CYBB: variants seen among roughly 807,000 people sequenced by gnomAD.
CYBB encodes NADPH oxidase 2.
In CYBB, 5 loss-of-function variants were observed where a neutral mutation model predicts 46.5. That is an observed-to-expected ratio of 0.11 (90% confidence interval 0.06 to 0.23). CYBB has a LOEUF of 0.23. Ranked by LOEUF, CYBB falls within the 10% of genes least tolerant of loss-of-function variation. The pLI is 1.00. For synonymous variants in CYBB, 183 were observed against 156.7 expected, an observed-to-expected ratio of 1.17 and a Z score of -1.26; for missense variants, 307 against 428.3, an observed-to-expected ratio of 0.72 and a Z score of 2.50.
At chrX:37,804,811 T>G (rs1326601120) in intron 9 of CYBB, among the ~76,000 whole-genome samples, 195 bp from the exon 10 acceptor site, 1 of 111,834 alleles carries the variant, frequency 8.9e-6, no homozygotes, top group Non-Finnish European at 1.9e-5. Context: ...GCCAAATATT[T>G]CTCTTTTTAC....
At chrX:37,781,089 G>A (rs894445743) in intron 1 of CYBB, among the ~76,000 whole-genome samples, 66 of 112,426 alleles carry the variant, frequency 5.9e-4, no homozygotes, top group Non-Finnish European at 1.0e-3. Flanking sequence ...TATAAAAAAT[G>A]TTTACGCCAA....
intron 2 of CYBB, among the ~76,000 whole-genome samples, 160 bp from the exon 3 acceptor site, chrX:37,783,330 G>A (rs782108751): frequency 8.9e-6 from 1 of 112,048 alleles, no homozygotes; most frequent in Admixed American, 9.5e-5. Flanking sequence ...AAGGGTCCTA[G>A]CTAGCCCTAA....
intron 4 of CYBB, among the ~76,000 whole-genome samples, chrX:37,792,927 C>T (rs1212383457): frequency 9.1e-6 from 1 of 109,745 alleles, no homozygotes; most frequent in Non-Finnish European, 1.9e-5. Flanking sequence ...GCCAGAGGTA[C>T]TGGATTTGAT....
intron 7 of CYBB, among the ~76,000 whole-genome samples, chrX:37,800,350 G>T (rs782514535): frequency 5.6e-4 from 63 of 111,598 alleles, no homozygotes; most frequent in African/African-American, 2.0e-3. Flanking sequence ...ACAGAACATT[G>T]TTTATATTTG....
chrX:37,806,527 G>A lies in CYBB; in HGVS notation c.1455G>A (p.Glu485=). ...SYNIYLTGWD[E]SQANHFAVHH... is the part of the protein sequence containing the mutation. ...ACATCTACCTCACTGGCTGGGATGAGTCTCAGGTAAGGACAAGACTCCAAG... is the reference window on the plus strand; with the variant it reads ...ACATCTACCTCACTGGCTGGGATGAATCTCAGGTAAGGACAAGACTCCAAG... The change falls in exon 11 of 13, where the codon GAG becomes GAA. Residue 485 remains glutamate (E), a synonymous_variant. Transcript: ENST00000378588. 2 of 1,210,204 alleles carry A rather than the reference G, an allele frequency of 1.7e-6. No individual in the cohort carries two copies. Among genetic ancestry groups the A allele is most frequent in the Non-Finnish European group, 2.2e-6 (2 of 894,655 alleles).
intron 8 of CYBB, 72 bp from the exon 9 acceptor site, chrX:37,803,805 T>C: frequency 8.9e-7 from 1 of 1,121,889 alleles, no homozygotes; most frequent in South Asian, 1.9e-5. Context: ...CTCAGTTTTT[T>C]ATCCATATGG....
chrX:37,782,218 G>A (rs782533018), intron 2 of CYBB, 35 bp downstream of exon 2: 1 of 921,264 alleles, frequency 1.1e-6, no homozygotes, highest in East Asian at 3.1e-5. Flanking sequence ...AATATTGGCT[G>A]GTTCACATTT....
At chrX:37,794,806 A>G (rs1556467961) in intron 5 of CYBB, among the ~76,000 whole-genome samples, 1 of 111,864 alleles carries the variant, frequency 8.9e-6, no homozygotes, top group Non-Finnish European at 1.9e-5. Context: ...ACTAAATCAC[A>G]TTAATATGCA....
rs782055866 is a variant in CYBB at position 37,783,490 on chromosome X, T to C, written c.142T>C (p.Ser48Pro). The C allele has an allele frequency of 1.7e-5, 20 of 1,188,227 alleles. No homozygotes were observed. The East Asian group carries it at 5.9e-4, about 35-fold the overall frequency. Reference protein sequence around the residue: ...KFFYTRKLLGSALALARAPAA... With the variant: ...KFFYTRKLLGPALALARAPAA... ...CTGCTCCCTTTCCCGCCTCTTCTAG[T>C]CAGCACTGGCACTGGCCAGGGCCCC... Residue 48 changes from serine (S) to proline (P), a missense_variant and splice_region_variant, in exon 3 of 13, where the codon TCA (serine) becomes CCA (proline). By Grantham distance (74) the Ser-to-Pro change is moderately conservative (BLOSUM62 -1). This residue lies in a region of CYBB where 103 missense variants were observed against 150.2 expected (regional missense o/e 0.69). Transcript: ENST00000378588.
At chrX:37,787,168 C>T (rs976856555) in intron 3 of CYBB, among the ~76,000 whole-genome samples, 1 of 111,579 alleles carries the variant, frequency 9.0e-6, no homozygotes, top group African/African-American at 3.3e-5. Flanking sequence ...ATAAACAGTG[C>T]TATGCAAATA....
At position 37,801,310 on chromosome X, in the gene CYBB, C is replaced by T; in HGVS notation, c.859C>T (p.Arg287Trp). ...TCTGTATCTCTGTGAGAGGTTGGTG[C>T]GGTTTTGGCGATCTCAACAGAAGGT... ...MFLYLCERLV[R>W]FWRSQQKVVI... Residue 287 changes from arginine to tryptophan, a missense_variant, in exon 8 of 13, where the codon CGG (arginine) becomes TGG (tryptophan). Arg to Trp is a moderately radical substitution (Grantham distance 101, BLOSUM62 -3). Around this residue, in one of 3 missense-constraint regions of CYBB, gnomAD observed 82 missense variants for 69.9 expected, o/e 1.17. Transcript: ENST00000378588. 8.3e-7 allele frequency: 1 copy of T among 1,207,240 alleles called. No individual in the cohort carries two copies. Among genetic ancestry groups the T allele is most frequent in the Non-Finnish European group, 1.1e-6 (1 of 892,073 alleles).
intron 5 of CYBB, 66 bp from the exon 6 acceptor site, chrX:37,795,885 C>G: frequency 1.3e-6 from 1 of 786,775 alleles, no homozygotes; most frequent in Non-Finnish European, 1.9e-6. Flanking sequence ...ATTGTGCTTG[C>G]GCACATGTGT....
intron 11 of CYBB, among the ~76,000 whole-genome samples, chrX:37,806,896 CTG>C (rs72172606): frequency 9.7e-4 from 103 of 105,961 alleles, no homozygotes; most frequent in African/African-American, 2.7e-3. Flanking sequence ...CTCTCTGTCT[CTG>C]TGTGTGTGTG....
rs1004755528 is a variant in CYBB, at chrX:37,810,995, C to G, written c.*78C>G. 2 of 950,656 alleles carry G rather than the reference C, an allele frequency of 2.1e-6. No individual in the cohort carries two copies. The highest frequency in any genetic ancestry group is 3.9e-5 in the African/African-American group (2 of 51,570). The allele number at this position is 950,656 out of a possible 1,213,427, so 78.3% of individuals were successfully genotyped here. ...TAATGCTAATTGATAATATAAATAC[C>G]CCCTGCTTAAAAATGGACAAAAAGA... On this transcript the variant is annotated 3_prime_UTR_variant, in exon 13 of 13. Coordinates refer to ENST00000378588, the MANE Select transcript of CYBB (RefSeq NM_000397.4).
In CYBB at chrX:37,801,356, T is replaced by C. The variant is rs201609728; in HGVS notation, c.897+8T>C. ...AAGGTGGTCATCACCAAGGTACTGA[T>C]TGGTTTAGTAATTACTAGTGGTCAG... On this transcript the variant is annotated splice_region_variant and intron_variant, in intron 8 of 12. Transcript: ENST00000378588. 3 of 1,148,111 alleles carry C rather than the reference T, an allele frequency of 2.6e-6. No individual in the cohort carries two copies. The highest frequency in any genetic ancestry group is 3.0e-5 in the East Asian group (1 of 33,524). 94.6% of individuals were successfully genotyped at this position (1,148,111 alleles called of 1,213,427 possible). A position where few individuals can be genotyped will look rare whatever the true frequency, so the allele number is the denominator to read the frequency against.
intron 8 of CYBB, among the ~76,000 whole-genome samples, chrX:37,803,581 C>T (rs1359766934): frequency 9.0e-6 from 1 of 111,490 alleles, no homozygotes; most frequent in Non-Finnish European, 1.9e-5. Flanking sequence ...CTAGTTGTAA[C>T]TGTGGCCTCA....
At chrX:37,795,808 G>A in intron 5 of CYBB, 143 bp from the exon 6 acceptor site, 2 of 464,242 alleles carry the variant, frequency 4.3e-6, no homozygotes, top group East Asian at 3.7e-5. Context: ...TCAAAGAGGG[G>A]GTGAAAATAT....
intron 3 of CYBB, among the ~76,000 whole-genome samples, chrX:37,788,656 G>A (rs1353915846): frequency 1.8e-5 from 2 of 111,209 alleles, no homozygotes; most frequent in Non-Finnish European, 3.8e-5. Flanking sequence ...TATGTTGTTC[G>A]ATGTCACACG....
At chrX:37,804,443 T>A (rs1929510558) in intron 9 of CYBB, among the ~76,000 whole-genome samples, 1 of 111,987 alleles carries the variant, frequency 8.9e-6, no homozygotes, top group Non-Finnish European at 1.9e-5. Flanking sequence ...TCAAAAATAT[T>A]CTTAAATTTT....
Sources: gnomAD v4.1 joint callset for allele counts (sites outside exome capture counted in the v4.1 genomes callset) on GRCh38, gnomAD v4.1.1 for gene constraint, gnomAD v4.1.1 regional missense constraint, MANE v1.5 for transcripts, NCBI Gene and HGNC (gene_info 2026-07-23, HGNC 2026-07-21) for gene names.